The following BCAP29 variants were observed in gnomAD, a reference collection of about 807,000 sequenced individuals.
The protein encoded by BCAP29 is B cell receptor associated protein 29, also known as B-cell receptor-associated protein 29.
A neutral mutation model predicts 31.8 loss-of-function variants in BCAP29; 34 were observed. The observed-to-expected ratio is 1.07, with a 90% CI of 0.81 to 1.42. The LOEUF (loss-of-function observed/expected upper bound fraction) is 1.42, where lower values mean the gene tolerates loss of function less well. Among genes scored for constraint, BCAP29 ranks in the 40% most tolerant of loss-of-function variants. The probability of loss-of-function intolerance (pLI) is 0.00; values close to 1 mark genes in which losing one functional copy is unlikely to be tolerated. For missense variants in BCAP29, 314 were observed against 269.2 expected, an observed-to-expected ratio of 1.17 and a Z score of -1.16; for synonymous variants, 104 against 91.3, an observed-to-expected ratio of 1.14 and a Z score of -0.79.
chr7:107,614,274 T>A (rs115442717), intron 7 of BCAP29, among the ~76,000 whole-genome samples: 1,574 of 152,328 alleles, frequency 0.01, 14 homozygotes, highest in African/African-American at 0.036. Flanking sequence ...CTCAGCACTG[T>A]TCCTGGCACA....
At chr7:107,606,978 T>C (rs898466396) in intron 6 of BCAP29, among the ~76,000 whole-genome samples, 1 of 152,180 alleles carries the variant, frequency 6.6e-6, no homozygotes, top group Non-Finnish European at 1.5e-5. Flanking sequence ...AGCAGTCTCC[T>C]GAGGCCCTGT....
chr7:107,612,394 TATATATA>T (rs1563141212), intron 6 of BCAP29, among the ~76,000 whole-genome samples: 106 of 9,302 alleles, frequency 0.011, 1 homozygote, highest in African/African-American at 0.037. Context: ...TATTGTTTTA[TATATATA>T]TATATATATA....
intron 6 of BCAP29, among the ~76,000 whole-genome samples, chr7:107,601,838 CTCTTT>C (rs1219753707): frequency 5.9e-5 from 9 of 152,118 alleles, no homozygotes; most frequent in African/African-American, 2.2e-4. Flanking sequence ...CACCAAGAAT[CTCTTT>C]TCTTATGTTG....
upstream of BCAP29, chr7:107,580,066 A>C (rs1341079828): frequency 6.6e-6 from 1 of 152,370 alleles, no homozygotes; most frequent in Non-Finnish European, 1.5e-5. Context: ...ACCTCCAAGC[A>C]TCAGGTCAAA....
downstream of BCAP29, chr7:107,621,924 G>A (rs745839639): frequency 3.7e-6 from 2 of 534,056 alleles, no homozygotes; most frequent in South Asian, 1.4e-5. Flanking sequence ...ACAGGAGCAT[G>A]CAGGACAGAT....
At position 107,610,757 on chromosome 7, in the gene BCAP29, T is replaced by C. The variant is rs528085854; in HGVS notation, c.590-2575T>C. 1.4e-4 allele frequency among the ~76,000 whole-genome samples: 22 copies of C among 152,342 alleles called. No homozygotes were observed. In the South Asian group the frequency reaches 4.1e-3, roughly 29 times the overall value. On this transcript the variant is annotated intron_variant, in intron 6 of 7. Coordinates refer to ENST00000005259, the MANE Select transcript of BCAP29 (RefSeq NM_018844.4). ...CCAGAAGAAACTCCTAGATAGGCTG[T>C]ACAAGTGGTTTTCTAGCTTCTTTTA...
chr7:107,584,050 A>T, intron 3 of BCAP29, 68 bp downstream of exon 3: 1 of 884,178 alleles, frequency 1.1e-6, no homozygotes, highest in Non-Finnish European at 1.7e-6. Context: ...TAATTAATAG[A>T]GTTGATGTTA....
At chr7:107,612,420 TATATA>T (rs1813347060) in intron 6 of BCAP29, among the ~76,000 whole-genome samples, 5 of 44,286 alleles carry the variant, frequency 1.1e-4, no homozygotes, top group South Asian at 1.9e-3. Context: ...TATATATATA[TATATA>T]TATATATATA....
intron 3 of BCAP29, chr7:107,587,478 A>G (rs1466162301): frequency 6.6e-6 from 1 of 152,350 alleles, no homozygotes; most frequent in South Asian, 2.1e-4. Context: ...ATCACGAAGC[A>G]TAATGATCCT....
chr7:107,583,588 T>C (rs1807094720), intron 2 of BCAP29, among the ~76,000 whole-genome samples: 1 of 152,130 alleles, frequency 6.6e-6, no homozygotes, highest in African/African-American at 2.4e-5. Flanking sequence ...AACAATATAA[T>C]ATTTTACTAC....
intron 6 of BCAP29, among the ~76,000 whole-genome samples, chr7:107,607,635 CT>C (rs57817003): frequency 0.044 from 5,785 of 132,494 alleles, 118 homozygotes; most frequent in Middle Eastern, 0.074. Context: ...CTTTCTTTTT[CT>C]TTTTTTTTTT....
chr7:107,604,682 GTTGT>G (rs1350010426), intron 6 of BCAP29, among the ~76,000 whole-genome samples: 4 of 142,346 alleles, frequency 2.8e-5, no homozygotes, highest in Non-Finnish European at 4.5e-5. Flanking sequence ...TGTTGTTGTT[GTTGT>G]TTTTTTTTTT....
chr7:107,622,547 T>C (rs1346232265), downstream of BCAP29: 2 of 152,550 alleles, frequency 1.3e-5, no homozygotes, highest in African/African-American at 4.8e-5. Context: ...TCTGCCTTCT[T>C]ACCCTATTTT....
rs192504501 is a variant in BCAP29 at position 107,588,107 on chromosome 7, A to G, written c.193+4125A>G. On this transcript the variant is annotated intron_variant, in intron 3 of 7. Transcript: ENST00000005259. ...TTTAAGAACCAAGAGGATTACAATG[A>G]AATCTGAAACTTTATAATAGTTTTA... 2.3e-4 allele frequency among the ~76,000 whole-genome samples: 35 copies of G among 152,308 alleles called. No individual in the cohort carries two copies. In the East Asian group the frequency reaches 6.0e-3, roughly 26 times the overall value.
At chr7:107,585,513 T>C (rs1807490218) in intron 3 of BCAP29, among the ~76,000 whole-genome samples, 2 of 152,138 alleles carry the variant, frequency 1.3e-5, no homozygotes, top group African/African-American at 4.8e-5. Context: ...ACCTTTGAAA[T>C]GGCTTTTATT....
intron 6 of BCAP29, among the ~76,000 whole-genome samples, chr7:107,609,294 T>C (rs1301842687): frequency 6.6e-6 from 1 of 152,172 alleles, no homozygotes; most frequent in East Asian, 1.9e-4. Context: ...CTGAAGGGCC[T>C]CATATGCCCT....
chr7:107,620,863 C>A (rs1031697166), downstream of BCAP29: 1 of 152,220 alleles, frequency 6.6e-6, no homozygotes, highest in East Asian at 1.9e-4. Context: ...TGCCCTGGAA[C>A]CCCAATCAAG....
chr7:107,586,910 A>G (rs185965530), intron 3 of BCAP29, among the ~76,000 whole-genome samples: 1 of 151,566 alleles, frequency 6.6e-6, no homozygotes, highest in Non-Finnish European at 1.5e-5. Context: ...TGTTTTTTTT[A>G]ATAGAGACAG....
chr7:107,593,844 C>T (rs2129233336), intron 3 of BCAP29, 111 bp from the exon 4 acceptor site: 1 of 1,128,008 alleles, frequency 8.9e-7, no homozygotes, highest in Non-Finnish European at 1.2e-6. Context: ...TCGCCTCTGC[C>T]TAAAGTCCAT....
Sources: gnomAD v4.1 joint callset for allele counts (sites outside exome capture counted in the v4.1 genomes callset) on GRCh38, gnomAD v4.1.1 for gene constraint, MANE v1.5 for transcripts, NCBI Gene and HGNC (gene_info 2026-07-23, HGNC 2026-07-21) for gene names.